The following FAM3D variants were observed in gnomAD, a reference collection of about 807,000 sequenced individuals.
FAM3D encodes the protein protein FAM3D.
A neutral mutation model predicts 29.8 loss-of-function variants in FAM3D; 26 were observed. The ratio of observed to expected loss-of-function variants is 0.87; its 90% CI spans 0.64 to 1.21. The LOEUF is 1.21. Among genes scored for constraint, FAM3D ranks in the 50% most tolerant of loss-of-function variants. The pLI, the probability that FAM3D is intolerant of heterozygous loss-of-function variation, is 0.00. For missense variants in FAM3D, 253 were observed against 290.9 expected, an observed-to-expected ratio of 0.87 and a Z score of 0.95; for synonymous variants, 115 against 102.3, an observed-to-expected ratio of 1.12 and a Z score of -0.75.
intron 1 of FAM3D, among the ~76,000 whole-genome samples, chr3:58,662,765 G>A (rs1198161908): frequency 6.6e-6 from 1 of 152,176 alleles, no homozygotes; most frequent in South Asian, 2.1e-4. Flanking sequence ...AGTTGGTGGG[G>A]GTTACTCCCT....
At position 58,637,075 on chromosome 3, in the gene FAM3D, G is replaced by A; in HGVS notation, c.458+66C>T. ...ATCTGGCAAAAGAGCAGAAAAGGGT[G>A]TGCAGGGTTTGAAGGTATTCAGTTT... is the stretch of plus-strand genomic sequence containing the variant. On this transcript the variant is annotated intron_variant, in intron 8 of 9. Coordinates refer to ENST00000358781, the MANE Select transcript of FAM3D (RefSeq NM_138805.3). 2.2e-6 allele frequency: 3 copies of A among 1,363,952 alleles called. No homozygotes were observed. In the East Asian group the frequency reaches 7.0e-5, roughly 32 times the overall value. The allele number at this position is 1,363,952 out of a possible 1,614,324, so 84.5% of individuals were successfully genotyped here.
intron 1 of FAM3D, among the ~76,000 whole-genome samples, chr3:58,663,227 A>G (rs1220101311): frequency 6.6e-6 from 1 of 152,192 alleles, no homozygotes; most frequent in Non-Finnish European, 1.5e-5. Flanking sequence ...AGGACTTTCC[A>G]GGAGAGAGGA....
intron 4 of FAM3D, among the ~76,000 whole-genome samples, chr3:58,647,642 C>T (rs576371583): frequency 6.6e-6 from 1 of 152,360 alleles, no homozygotes; most frequent in Admixed American, 6.5e-5. Context: ...CCAGCCTTCA[C>T]AGTCACGCTG....
intron 1 of FAM3D, among the ~76,000 whole-genome samples, chr3:58,661,154 C>A (rs79847644): frequency 0.014 from 2,160 of 152,198 alleles, 49 homozygotes; most frequent in African/African-American, 0.049. Context: ...AACATGTGGC[C>A]GCTGCATTTG....
chr3:58,663,083 G>A (rs1303545487), intron 1 of FAM3D, among the ~76,000 whole-genome samples: 1 of 152,182 alleles, frequency 6.6e-6, no homozygotes, highest in African/African-American at 2.4e-5. Flanking sequence ...ATTTTTAGTA[G>A]AGACAAGCTT....
At chr3:58,642,327 A>G (rs1278080306) in intron 6 of FAM3D, among the ~76,000 whole-genome samples, 2 of 152,196 alleles carry the variant, frequency 1.3e-5, no homozygotes, top group African/African-American at 4.8e-5. Context: ...CAGAGCGAGA[A>G]AAGGCTTTCT....
rs563761702 is a variant in FAM3D, at chr3:58,643,531, C to T, written c.322+131G>A. On this transcript the variant is annotated intron_variant, in intron 6 of 9. Transcript: ENST00000358781. Reference sequence around the variant, plus strand: ...GTTCCCCCAGGCCAGCCACGCTTCCCCTCCTGAGCTCTACGGGCATTCCTG... The same window carrying T: ...GTTCCCCCAGGCCAGCCACGCTTCCTCTCCTGAGCTCTACGGGCATTCCTG... The T allele has an allele frequency of 1.8e-5, 18 of 999,382 alleles. No individual in the cohort carries two copies. The South Asian group carries it at 2.2e-4, about 12-fold the overall frequency. 61.9% of individuals were successfully genotyped at this position (999,382 alleles called of 1,614,324 possible).
intron 1 of FAM3D, among the ~76,000 whole-genome samples, chr3:58,659,222 C>T (rs1418846190): frequency 6.6e-6 from 1 of 152,228 alleles, no homozygotes; most frequent in Admixed American, 6.5e-5. Context: ...GCCCCCTTCA[C>T]TCTGCTGCCT....
chr3:58,635,513 C>T lies in FAM3D; in HGVS notation c.585+781G>A, dbSNP rs1431914444. On this transcript the variant is annotated intron_variant, in intron 9 of 9. Coordinates refer to ENST00000358781, the MANE Select transcript of FAM3D (RefSeq NM_138805.3). This position sits in a 1 kb window ranked among gnomAD's most constrained non-coding sequence, Gnocchi z 5.2. ...CACGCCTCCTCTGTCTTGCCGGTTCCCCTGGGTCTGGAGCCCACGCTTTGG... is the reference window on the plus strand; with the variant it reads ...CACGCCTCCTCTGTCTTGCCGGTTCTCCTGGGTCTGGAGCCCACGCTTTGG... Among the ~76,000 whole-genome samples, 1 of 152,138 alleles carries T rather than the reference C, an allele frequency of 6.6e-6. No homozygotes were observed. Among genetic ancestry groups the T allele is most frequent in the African/African-American group, 2.4e-5 (1 of 41,408 alleles).
intron 1 of FAM3D, among the ~76,000 whole-genome samples, chr3:58,666,170 A>C (rs2067026523): frequency 6.6e-6 from 1 of 152,176 alleles, no homozygotes; most frequent in Non-Finnish European, 1.5e-5. Context: ...TAGATGAGTG[A>C]ATGAAAGAAT....
At chr3:58,664,821 G>A (rs569890304) in intron 1 of FAM3D, among the ~76,000 whole-genome samples, 3 of 152,212 alleles carry the variant, frequency 2.0e-5, no homozygotes, top group Admixed American at 1.3e-4. Context: ...TGTCTGCTCC[G>A]CTCCAGGGCA....
At position 58,634,192 on chromosome 3, in the gene FAM3D, C is replaced by A; in HGVS notation, c.*87G>T. 8.1e-7 allele frequency: 1 copy of A among 1,236,144 alleles called. No homozygotes were observed. Among genetic ancestry groups the A allele is most frequent in the Non-Finnish European group, 1.2e-6 (1 of 868,914 alleles). The allele number at this position is 1,236,144 out of a possible 1,614,324, so 76.6% of individuals were successfully genotyped here. On this transcript the variant is annotated 3_prime_UTR_variant, in exon 10 of 10. Transcript: ENST00000358781. This position sits in a 1 kb window ranked among gnomAD's most constrained non-coding sequence, Gnocchi z 4.6. ...CACCTTCCACGCAGCACCCCCTGCT[C>A]CTCCTCCTCAGCCCCTGCCGGGCTC...
intron 1 of FAM3D, among the ~76,000 whole-genome samples, chr3:58,663,147 C>T (rs970446376): frequency 6.6e-6 from 1 of 152,226 alleles, no homozygotes; most frequent in Non-Finnish European, 1.5e-5. Flanking sequence ...GATCCACCTG[C>T]CTTGGCCTCC....
rs1380736239 is a variant in FAM3D, at chr3:58,666,698, C to A, written c.-161G>T. The A allele has an allele frequency of 6.6e-6, 1 of 152,268 alleles. No individual in the cohort carries two copies. Among genetic ancestry groups the A allele is most frequent in the Non-Finnish European group, 1.5e-5 (1 of 68,068 alleles). 9.4% of individuals were successfully genotyped at this position (152,268 alleles called of 1,614,324 possible). On this transcript the variant is annotated 5_prime_UTR_variant, in exon 1 of 10. Coordinates refer to ENST00000358781, the MANE Select transcript of FAM3D (RefSeq NM_138805.3). ...GCCAGCTTCTGACAGTCCCACCTCC[C>A]AGTTGCTGGAGGGGTAGTGGCCTCA...
intron 1 of FAM3D, among the ~76,000 whole-genome samples, chr3:58,663,422 A>G (rs1286761469): frequency 6.6e-6 from 1 of 152,168 alleles, no homozygotes; most frequent in Admixed American, 6.5e-5. Flanking sequence ...TTGAAGTCAG[A>G]ATTATCTCTG....
chr3:58,641,816 T>A (rs569303675), intron 6 of FAM3D, among the ~76,000 whole-genome samples: 2 of 152,340 alleles, frequency 1.3e-5, no homozygotes, highest in South Asian at 4.1e-4. Context: ...GTTATTTTCA[T>A]CCTTTTGGCT....
At chr3:58,636,045 C>T (rs1318646376) in intron 9 of FAM3D, among the ~76,000 whole-genome samples, 1 of 152,228 alleles carries the variant, frequency 6.6e-6, no homozygotes. Flanking sequence ...CTCCTTTTCC[C>T]TCTTCCTTTT....
chr3:58,637,428 G>T (rs1376537168), intron 7 of FAM3D, among the ~76,000 whole-genome samples: 3 of 152,110 alleles, frequency 2.0e-5, no homozygotes, highest in African/African-American at 7.2e-5. Context: ...AGAGTGAGGG[G>T]AACTCATCCA....
intron 1 of FAM3D, among the ~76,000 whole-genome samples, chr3:58,663,198 C>T (rs2066965108): frequency 6.6e-6 from 1 of 152,240 alleles, no homozygotes; most frequent in Non-Finnish European, 1.5e-5. Context: ...CATGCCTGGT[C>T]TCCTCCTACC....
Sources: allele counts gnomAD v4.1 joint callset (sites outside exome capture counted in the v4.1 genomes callset), GRCh38; gene constraint gnomAD v4.1.1; non-coding constraint Gnocchi (gnomAD v3.1); transcripts MANE v1.5; gene names NCBI Gene and HGNC (gene_info 2026-07-23, HGNC 2026-07-21).